MAP2: variants seen among roughly 807,000 people sequenced by gnomAD.
The protein encoded by MAP2 is microtubule associated protein 2.
MAP2 carries 14 observed loss-of-function variants against 137.6 expected under a neutral mutation model. The observed-to-expected ratio is 0.10, with a 90% CI of 0.07 to 0.16. The LOEUF (loss-of-function observed/expected upper bound fraction) is 0.16. Ranked by LOEUF, MAP2 falls within the 10% of genes least tolerant of loss-of-function variation. MAP2 has a pLI of 1.00. For synonymous variants in MAP2, 786 were observed against 782.3 expected, an observed-to-expected ratio of 1.00 and a Z score of -0.08; for missense variants, 2,088 against 2,191.5, an observed-to-expected ratio of 0.95 and a Z score of 0.94.
In MAP2 at chr2:209,694,145, A is replaced by C. The variant is rs1405275649; in HGVS notation, c.1975A>C (p.Met659Leu). The C allele has an allele frequency of 6.2e-7, 1 of 1,614,112 alleles. No homozygotes were observed. ...AGAACCCAGTTCTCCTCAAGAAAGAATGTTCACTATTGATCCAAAAGTGTA... is the reference window on the plus strand; with the variant it reads ...AGAACCCAGTTCTCCTCAAGAAAGACTGTTCACTATTGATCCAAAAGTGTA... Reference protein sequence around the residue: ...PEEPSSPQERMFTIDPKVYGE... With the variant: ...PEEPSSPQERLFTIDPKVYGE... The change falls in exon 8 of 16, where the codon ATG (methionine) becomes CTG (leucine). Residue 659 changes from methionine (M) to leucine (L), a missense_variant. By Grantham distance (15) the Met-to-Leu change is conservative (BLOSUM62 2). Transcript: ENST00000682079.
chr2:209,613,698 T>TA (rs1323883804), intron 3 of MAP2, among the ~76,000 whole-genome samples: 2 of 152,208 alleles, frequency 1.3e-5, no homozygotes, highest in African/African-American at 4.8e-5. Flanking sequence ...GCCACAATTT[T>TA]AAAAGATAAA....
In MAP2 at chr2:209,731,443, A is replaced by C. The variant is rs991118699; in HGVS notation, c.*1046A>C. 1 of 152,600 alleles carries C rather than the reference A, an allele frequency of 6.6e-6. No homozygotes were observed. Among genetic ancestry groups the C allele is most frequent in the African/African-American group, 2.4e-5 (1 of 41,440 alleles). The allele number at this position is 152,600 out of a possible 1,614,324, so 9.5% of individuals were successfully genotyped here. On this transcript the variant is annotated 3_prime_UTR_variant, in exon 16 of 16. Coordinates refer to ENST00000682079, the MANE Select transcript of MAP2 (RefSeq NM_001375505.1). ...ACAAGTCTCTCCCGTGATGCTAGAC[A>C]AAAAATTATTTTTCTTTGCTTTCAC...
intron 13 of MAP2, among the ~76,000 whole-genome samples, chr2:209,717,016 T>C (rs1302801188): frequency 6.6e-6 from 1 of 152,016 alleles, no homozygotes; most frequent in Admixed American, 6.6e-5. Flanking sequence ...GAAGGAGACA[T>C]AGAGAGGGAG....
chr2:209,469,476 A>G lies in MAP2; in HGVS notation c.-221-38116A>G, dbSNP rs568599434. ...ACAAAAATTTTATTTTGGGGGGCAT[A>G]CTCAAGTAAGTATATGCACAATACA... On this transcript the variant is annotated intron_variant, in intron 1 of 15. Transcript: ENST00000682079. 2.0e-5 allele frequency among the ~76,000 whole-genome samples: 3 copies of G among 152,262 alleles called. No homozygotes were observed. In the South Asian group the frequency reaches 6.2e-4, roughly 32 times the overall value.
intron 3 of MAP2, among the ~76,000 whole-genome samples, chr2:209,589,508 C>T (rs112313187): frequency 4.7e-4 from 72 of 152,188 alleles, no homozygotes; most frequent in African/African-American, 1.4e-3. Context: ...AAGGCAGTGG[C>T]GACCTCTACT....
At chr2:209,666,764 T>A (rs2046494076) in intron 5 of MAP2, among the ~76,000 whole-genome samples, 1 of 151,996 alleles carries the variant, frequency 6.6e-6, no homozygotes, top group Non-Finnish European at 1.5e-5. Flanking sequence ...AGAAAAAAAT[T>A]TTATCATCTT....
At chr2:209,651,674 T>G (rs2094809415) in intron 4 of MAP2, among the ~76,000 whole-genome samples, 2 of 152,132 alleles carry the variant, frequency 1.3e-5, no homozygotes, top group Non-Finnish European at 2.9e-5. Flanking sequence ...AAACCTAAAT[T>G]TTTACATCCT....
At chr2:209,442,261 G>A (rs1697979354) in intron 1 of MAP2, among the ~76,000 whole-genome samples, 1 of 151,466 alleles carries the variant, frequency 6.6e-6, no homozygotes, top group African/African-American at 2.4e-5. Context: ...AGGAAAAAGT[G>A]TAGATATATT....
intron 7 of MAP2, chr2:209,690,793 A>G (rs1401545976): frequency 1.6e-6 from 2 of 1,289,748 alleles, no homozygotes; most frequent in South Asian, 1.2e-5. Flanking sequence ...AGAAAAGTGT[A>G]AAAGAGGTCA....
At chr2:209,675,403 A>T (rs761008449) in intron 5 of MAP2, among the ~76,000 whole-genome samples, 12 of 151,912 alleles carry the variant, frequency 7.9e-5, no homozygotes, top group Non-Finnish European at 1.8e-4. Context: ...ACAATAAATG[A>T]TACTGCTTTG....
intron 4 of MAP2, among the ~76,000 whole-genome samples, chr2:209,626,823 G>T (rs972898312): frequency 6.6e-6 from 1 of 152,034 alleles, no homozygotes. Context: ...TAATCTTCTG[G>T]TGCCTAGTAT....
Position 209,695,400 on chromosome 2 carries a change from A to G in MAP2, c.3230A>G (p.Asp1077Gly). 1 of 1,613,258 alleles carries G rather than the reference A, an allele frequency of 6.2e-7. No individual in the cohort carries two copies. Among genetic ancestry groups the G allele is most frequent in the Non-Finnish European group, 8.5e-7 (1 of 1,179,652 alleles). ...GAGCTAAAACTTGAGGCTACACAGGACATGACCCCCTCATCCAAAGCACCG... is the reference window on the plus strand; with the variant it reads ...GAGCTAAAACTTGAGGCTACACAGGGCATGACCCCCTCATCCAAAGCACCG... Reference protein sequence around the residue: ...ATELKLEATQDMTPSSKAPQE... With the variant: ...ATELKLEATQGMTPSSKAPQE... Residue 1077 changes from aspartate (D) to glycine (G), a missense_variant, in exon 8 of 16, where the codon GAC (aspartate) becomes GGC (glycine). Asp to Gly is a moderately conservative substitution (Grantham distance 94, BLOSUM62 -1). This residue lies in a region of MAP2 where 500 missense variants were observed against 482.9 expected (regional missense o/e 1.04). Transcript: ENST00000682079.
chr2:209,511,690 C>G (rs288043), intron 2 of MAP2, among the ~76,000 whole-genome samples: 61 of 152,142 alleles, frequency 4.0e-4, no homozygotes, highest in African/African-American at 1.4e-3. Context: ...CTCATCTCAG[C>G]CTCCTGATTA....
At chr2:209,531,129 C>A (rs2065050060) in intron 2 of MAP2, among the ~76,000 whole-genome samples, 1 of 151,894 alleles carries the variant, frequency 6.6e-6, no homozygotes. Context: ...TTTTATTGAG[C>A]AAATTCAGTG....
intron 2 of MAP2, among the ~76,000 whole-genome samples, chr2:209,540,515 C>T (rs1451852217): frequency 1.4e-5 from 2 of 143,118 alleles, no homozygotes; most frequent in African/African-American, 5.9e-5. Context: ...TCTGTAATCC[C>T]AGCTACTCAG....
chr2:209,703,440 G>A (rs1425416866), intron 11 of MAP2, among the ~76,000 whole-genome samples: 1 of 151,988 alleles, frequency 6.6e-6, no homozygotes, highest in Admixed American at 6.6e-5. Flanking sequence ...CCAGCAGATA[G>A]GATATTGAAA....
At chr2:209,524,360 G>T (rs771612901) in intron 2 of MAP2, among the ~76,000 whole-genome samples, 12 of 151,168 alleles carry the variant, frequency 7.9e-5, no homozygotes, top group Non-Finnish European at 1.5e-5. Flanking sequence ...ACATAATCCA[G>T]AGTCAGGGAG....
intron 13 of MAP2, among the ~76,000 whole-genome samples, chr2:209,718,636 G>T (rs2068784382): frequency 6.6e-6 from 1 of 152,042 alleles, no homozygotes; most frequent in African/African-American, 2.4e-5. Context: ...TCTACTTTCT[G>T]TGCCATGCGA....
At chr2:209,447,541 G>A (rs941013598) in intron 1 of MAP2, among the ~76,000 whole-genome samples, 5 of 151,996 alleles carry the variant, frequency 3.3e-5, no homozygotes, top group African/African-American at 1.2e-4. Context: ...AAAAATTTGA[G>A]TAGCCAGCAA....
Sources: allele counts gnomAD v4.1 joint callset (sites outside exome capture counted in the v4.1 genomes callset), GRCh38; gene constraint gnomAD v4.1.1; regional missense constraint gnomAD v4.1.1; transcripts MANE v1.5; gene names NCBI Gene and HGNC (gene_info 2026-07-23, HGNC 2026-07-21).